Variants in RYR3 observed in about 807,000 individuals in gnomAD.
RYR3 encodes the protein ryanodine receptor 3.
Under a neutral mutation model 584.3 loss-of-function variants are expected in RYR3, and 207 were observed. The ratio of observed to expected loss-of-function variants is 0.35; its 90% CI spans 0.32 to 0.40. The LOEUF (loss-of-function observed/expected upper bound fraction) is 0.40. Ranked by LOEUF, RYR3 falls within the 10% of genes least tolerant of loss-of-function variation. The pLI is 1.00. For missense variants in RYR3, 5,616 were observed against 6,089.2 expected (o/e 0.92, Z 2.59); for synonymous variants, 2,416 against 2,248.5 (o/e 1.07, Z -2.11).
At chr15:33,799,485 G>A (rs951069224) in intron 67 of RYR3, among the ~76,000 whole-genome samples, 1 of 152,180 alleles carries the variant, frequency 6.6e-6, no homozygotes, top group Non-Finnish European at 1.5e-5. Flanking sequence ...CCATGTTGCT[G>A]AACACACAAA....
intron 12 of RYR3, among the ~76,000 whole-genome samples, chr15:33,572,673 A>ACC (rs2058091707): frequency 7.2e-6 from 1 of 139,034 alleles, no homozygotes; most frequent in Admixed American, 8.2e-5. Flanking sequence ...ACACACACAC[A>ACC]CACACACACA....
chr15:33,433,699 G>A (rs1274910834), intron 1 of RYR3, among the ~76,000 whole-genome samples: 1 of 152,224 alleles, frequency 6.6e-6, no homozygotes, highest in Non-Finnish European at 1.5e-5. Flanking sequence ...TGGTGTGTGA[G>A]AAAGCACCTT....
intron 1 of RYR3, among the ~76,000 whole-genome samples, chr15:33,343,829 G>GT (rs1256223102): frequency 2.6e-5 from 4 of 152,182 alleles, no homozygotes; most frequent in Admixed American, 2.6e-4. Context: ...ATTTGGCCCA[G>GT]TTGCTGAGTT....
At chr15:33,585,819 G>T (rs1406290480) in intron 15 of RYR3, among the ~76,000 whole-genome samples, 179 bp from the exon 16 acceptor site, 1 of 152,184 alleles carries the variant, frequency 6.6e-6, no homozygotes, top group Non-Finnish European at 1.5e-5. Context: ...GCCCCCAGGG[G>T]GCTCTGAAGT....
At chr15:33,328,199 T>A (rs1376906496) in intron 1 of RYR3, among the ~76,000 whole-genome samples, 1 of 152,230 alleles carries the variant, frequency 6.6e-6, no homozygotes, top group Non-Finnish European at 1.5e-5. Context: ...TTATTTGAAA[T>A]CTGACATCTC....
intron 10 of RYR3, among the ~76,000 whole-genome samples, chr15:33,551,883 A>G (rs1322851408): frequency 6.6e-6 from 1 of 152,240 alleles, no homozygotes; most frequent in Non-Finnish European, 1.5e-5. Context: ...ACAAAGCAAC[A>G]GGAAAGTCGT....
intron 63 of RYR3, 53 bp from the exon 64 acceptor site, chr15:33,773,481 C>T: frequency 5.4e-6 from 7 of 1,293,040 alleles, no homozygotes; most frequent in Admixed American, 3.9e-5. Context: ...CTTCATGGAT[C>T]CTTTCTGTAT....
Position 33,566,787 on chromosome 15 carries a change from G to A in RYR3, c.1256G>A (p.Ser419Asn). Residue 419 changes from serine to asparagine, a missense_variant, in exon 12 of 104, where the codon AGC becomes AAC. This residue lies in a region of RYR3 where 1,284 missense variants were observed against 1,344.6 expected (regional missense o/e 0.95). Coordinates refer to ENST00000634891, the MANE Select transcript of RYR3 (RefSeq NM_001036.6). ...RIIRNTTALF[S>N]QFVSGNNRTA... ...ATCCGGAACACTACAGCCTTATTCA[G>A]CCAGTTTGTCAGGTATGTTAGCTCC... is the stretch of plus-strand genomic sequence containing the variant. The A allele has an allele frequency of 6.2e-7, 1 of 1,613,680 alleles. No homozygotes were observed. The highest frequency in any genetic ancestry group is 8.5e-7 in the Non-Finnish European group (1 of 1,179,672).
At chr15:33,324,851 T>C (rs1595717200) in intron 1 of RYR3, among the ~76,000 whole-genome samples, 1 of 152,194 alleles carries the variant, frequency 6.6e-6, no homozygotes, top group Non-Finnish European at 1.5e-5. Context: ...AACCGCATTA[T>C]GGAATGATCC....
chr15:33,621,589 C>G (rs994350777), intron 19 of RYR3, among the ~76,000 whole-genome samples: 3 of 152,154 alleles, frequency 2.0e-5, no homozygotes, highest in African/African-American at 7.2e-5. Flanking sequence ...TATTACATAA[C>G]ACTTAATGTA....
At chr15:33,504,575 C>T (rs1262183554) in intron 3 of RYR3, among the ~76,000 whole-genome samples, 1 of 152,174 alleles carries the variant, frequency 6.6e-6, no homozygotes, top group African/African-American at 2.4e-5. Context: ...TTCCACTCAG[C>T]AGTTCTTTCC....
chr15:33,366,116 T>C lies in RYR3; in HGVS notation c.51+55020T>C, dbSNP rs113764366. Among the ~76,000 whole-genome samples the C allele has an allele frequency of 9.1e-3, 1,387 of 152,284 alleles. 10 individuals are homozygous for C. Among genetic ancestry groups the C allele is most frequent in the Non-Finnish European group, 0.014 (957 of 68,024 alleles). ...GATCATTTCTTACTAGAATGCAAAT[T>C]CTGAGTGAGCAGTCTTGGTTCTGTT... On this transcript the variant is annotated intron_variant, in intron 1 of 103. Transcript: ENST00000634891.
intron 8 of RYR3, among the ~76,000 whole-genome samples, chr15:33,544,303 A>T (rs2056065551): frequency 6.6e-6 from 1 of 152,166 alleles, no homozygotes; most frequent in African/African-American, 2.4e-5. Flanking sequence ...AAGGAACAGA[A>T]CATAAAAAGC....
intron 20 of RYR3, among the ~76,000 whole-genome samples, chr15:33,626,622 C>T (rs1180398833): frequency 3.9e-5 from 6 of 152,158 alleles, no homozygotes; most frequent in Non-Finnish European, 8.8e-5. Flanking sequence ...CTCCCAGAGG[C>T]CTAGAAGGAA....
Position 33,836,988 on chromosome 15 carries a change from G to T in RYR3, c.11650+1G>T. 6.2e-7 allele frequency: 1 copy of T among 1,612,386 alleles called. No individual in the cohort carries two copies. The highest frequency in any genetic ancestry group is 8.5e-7 in the Non-Finnish European group (1 of 1,179,144). The stretch of plus-strand genomic sequence containing the variant: ...GTGATGCTTCTGTCCCTCCTGGAAG[G>T]TTGGGCTGTTTGGTATAACTAGGCC... On this transcript the variant is annotated splice_donor_variant, in intron 88 of 103. Coordinates refer to ENST00000634891, the MANE Select transcript of RYR3 (RefSeq NM_001036.6). LOFTEE classifies it high-confidence loss of function.
chr15:33,620,455 A>G (rs543886025), intron 19 of RYR3, among the ~76,000 whole-genome samples: 1 of 152,294 alleles, frequency 6.6e-6, no homozygotes, highest in African/African-American at 2.4e-5. Flanking sequence ...TATACTACAT[A>G]GTTGACTCAG....
chr15:33,523,684 G>T (rs1016503256), intron 3 of RYR3, among the ~76,000 whole-genome samples: 15 of 152,094 alleles, frequency 9.9e-5, no homozygotes, highest in African/African-American at 3.6e-4. Context: ...GTGTGAGGCA[G>T]CCTTGAGAAG....
At chr15:33,529,466 C>T (rs770591580) in intron 3 of RYR3, among the ~76,000 whole-genome samples, 23 of 152,108 alleles carry the variant, frequency 1.5e-4, no homozygotes, top group Admixed American at 9.2e-4. Flanking sequence ...CAGGTGGACA[C>T]GGGAGACGGG....
At chr15:33,362,086 G>A (rs1974846789) in intron 1 of RYR3, among the ~76,000 whole-genome samples, 1 of 152,186 alleles carries the variant, frequency 6.6e-6, no homozygotes, top group South Asian at 2.1e-4. Context: ...CCCACAAGAG[G>A]TGAATGCAAA....
Sources: gnomAD v4.1 joint callset for allele counts (sites outside exome capture counted in the v4.1 genomes callset) on GRCh38, gnomAD v4.1.1 for gene constraint, gnomAD v4.1.1 regional missense constraint, MANE v1.5 for transcripts, NCBI Gene and HGNC (gene_info 2026-07-23, HGNC 2026-07-21) for gene names.